SMIM13: variants seen among roughly 807,000 people sequenced by gnomAD.
SMIM13 encodes small integral membrane protein 13, also known as UPF0766 protein C6orf228.
A neutral mutation model predicts 5.9 loss-of-function variants in SMIM13; 3 were observed. The ratio of observed to expected loss-of-function variants is 0.51; its 90% CI spans 0.23 to 1.31. The LOEUF (loss-of-function observed/expected upper bound fraction) is 1.31, where lower values mean the gene tolerates loss of function less well. Among genes scored for constraint, SMIM13 ranks in the 40% most tolerant of loss-of-function variants. The pLI, the probability that SMIM13 is intolerant of heterozygous loss-of-function variation, is 0.18. For synonymous variants in SMIM13, 55 were observed against 46.0 expected (o/e 1.19, Z -0.79); for missense variants, 85 against 109.9 (o/e 0.77, Z 1.01).
At chr6:11,107,590 G>A (rs1416018006) in intron 1 of SMIM13, among the ~76,000 whole-genome samples, 1 of 152,198 alleles carries the variant, frequency 6.6e-6, no homozygotes, top group African/African-American at 2.4e-5. Flanking sequence ...AATAGAAATT[G>A]GGAGGATGGG....
chr6:11,109,340 A>G (rs1182427354), intron 1 of SMIM13, among the ~76,000 whole-genome samples: 3 of 152,176 alleles, frequency 2.0e-5, no homozygotes, highest in Non-Finnish European at 2.9e-5. Flanking sequence ...CAGTGGGTCC[A>G]CTGGGACCAC....
intron 1 of SMIM13, among the ~76,000 whole-genome samples, chr6:11,096,853 A>C (rs1264014997): frequency 6.6e-6 from 1 of 151,874 alleles, no homozygotes; most frequent in Non-Finnish European, 1.5e-5. Context: ...GCATGCGCCT[A>C]GCTGATTTTC....
At chr6:11,114,043 G>A (rs961331650) in intron 1 of SMIM13, among the ~76,000 whole-genome samples, 9 of 150,638 alleles carry the variant, frequency 6.0e-5, no homozygotes, top group Admixed American at 2.0e-4. Context: ...GCAATGGCGC[G>A]GTCTTGGCTC....
At chr6:11,105,468 C>T in intron 1 of SMIM13, 1 of 604,140 alleles carries the variant, frequency 1.7e-6, no homozygotes. Context: ...GTTGGTGGGG[C>T]ATTACTTATC....
chr6:11,105,237 A>G (rs760973196), intron 1 of SMIM13: 1 of 1,614,044 alleles, frequency 6.2e-7, no homozygotes, highest in Non-Finnish European at 8.5e-7. Context: ...AGCTTTTTCC[A>G]ATAACGGGAA....
chr6:11,138,064 TCAA>T lies in SMIM13; in HGVS notation c.*3466_*3468del, dbSNP rs1462358520. 1 of 152,218 alleles carries T rather than the reference TCAA, an allele frequency of 6.6e-6. No homozygotes were observed. The allele number at this position is 152,218 out of a possible 1,614,324, so 9.4% of individuals were successfully genotyped here. ...TAAGAGCAGCAATCTTTGAAATTAGTCAACAATGCAGTCTTTTTTAAAAGTCAG... is the reference window on the plus strand; with the variant it reads ...TAAGAGCAGCAATCTTTGAAATTAGTCAATGCAGTCTTTTTTAAAAGTCAG... On this transcript the variant is annotated 3_prime_UTR_variant, in exon 2 of 2. Coordinates refer to ENST00000416247, the MANE Select transcript of SMIM13 (RefSeq NM_001135575.2).
At chr6:11,129,077 G>GC (rs555765707) in intron 1 of SMIM13, among the ~76,000 whole-genome samples, 24 of 122,246 alleles carry the variant, frequency 2.0e-4, no homozygotes, top group Admixed American at 5.2e-4. Context: ...GCTACCGGGA[G>GC]CGGGGGGGGG....
chr6:11,114,042 C>T (rs928926989), intron 1 of SMIM13, among the ~76,000 whole-genome samples: 5 of 150,536 alleles, frequency 3.3e-5, no homozygotes, highest in African/African-American at 7.4e-5. Flanking sequence ...TGCAATGGCG[C>T]GGTCTTGGCT....
intron 1 of SMIM13, among the ~76,000 whole-genome samples, chr6:11,115,779 G>A (rs1758230131): frequency 6.6e-6 from 1 of 150,710 alleles, no homozygotes; most frequent in African/African-American, 2.4e-5. Context: ...CTGCCTCCTG[G>A]GTTCAAGCAA....
chr6:11,131,853 AGGATT>A (rs1438040665), intron 1 of SMIM13, among the ~76,000 whole-genome samples: 1 of 152,164 alleles, frequency 6.6e-6, no homozygotes, highest in African/African-American at 2.4e-5. Flanking sequence ...TTCATGACGT[AGGATT>A]GGTCAGTGGT....
At chr6:11,121,456 C>T (rs1758308784) in intron 1 of SMIM13, among the ~76,000 whole-genome samples, 1 of 152,156 alleles carries the variant, frequency 6.6e-6, no homozygotes, top group South Asian at 2.1e-4. Context: ...GGTTTTACTT[C>T]CTTCATTCCC....
intron 1 of SMIM13, among the ~76,000 whole-genome samples, chr6:11,097,777 T>C (rs1368751577): frequency 1.3e-5 from 2 of 152,140 alleles, no homozygotes; most frequent in Non-Finnish European, 2.9e-5. Context: ...ACAAGCACCA[T>C]GTCTTTAGCA....
chr6:11,121,894 T>C (rs1435694117), intron 1 of SMIM13, among the ~76,000 whole-genome samples: 2 of 146,258 alleles, frequency 1.4e-5, no homozygotes, highest in African/African-American at 5.3e-5. Flanking sequence ...CCAGTTTCTT[T>C]GTTGCTCCCC....
chr6:11,127,083 T>G (rs1281709589), intron 1 of SMIM13, among the ~76,000 whole-genome samples: 1 of 152,194 alleles, frequency 6.6e-6, no homozygotes, highest in Admixed American at 6.5e-5. Flanking sequence ...TGAGTCAGAC[T>G]CGAAGCCAGC....
chr6:11,132,826 A>G (rs181932555), intron 1 of SMIM13, among the ~76,000 whole-genome samples: 6 of 152,278 alleles, frequency 3.9e-5, no homozygotes, highest in African/African-American at 1.2e-4. Context: ...GGGTTGATGA[A>G]AATGTTTTGG....
intron 1 of SMIM13, among the ~76,000 whole-genome samples, chr6:11,119,270 C>G (rs1758281408): frequency 1.3e-5 from 2 of 152,182 alleles, no homozygotes; most frequent in Admixed American, 1.3e-4. Flanking sequence ...CTTTCTCTCT[C>G]TCACTCACTC....
At chr6:11,122,728 A>G (rs549973629) in intron 1 of SMIM13, among the ~76,000 whole-genome samples, 154 of 152,310 alleles carry the variant, frequency 1.0e-3, no homozygotes, top group Admixed American at 2.9e-3. Context: ...GCAGATTCCA[A>G]GAAGATTAAA....
rs1366597469 is a variant in SMIM13, at chr6:11,093,834, G to A, written c.-480G>A. ...GCCCCAGCGGTAGGGGGCCTGGGGC[G>A]GAGAAGCCGCTACAGCCGCGGCCGG... On this transcript the variant is annotated 5_prime_UTR_variant, in exon 1 of 2. Coordinates refer to ENST00000416247, the MANE Select transcript of SMIM13 (RefSeq NM_001135575.2). Among the ~76,000 whole-genome samples, 1 of 152,234 alleles carries A rather than the reference G, an allele frequency of 6.6e-6. No homozygotes were observed. The highest frequency in any genetic ancestry group is 2.4e-5 in the African/African-American group (1 of 41,464).
chr6:11,113,629 A>G (rs2113653408), intron 1 of SMIM13, among the ~76,000 whole-genome samples: 1 of 151,680 alleles, frequency 6.6e-6, no homozygotes, highest in South Asian at 2.1e-4. Context: ...AGGCTGGAGT[A>G]CAGTGGCACA....
Sources: gnomAD v4.1 joint callset for allele counts (sites outside exome capture counted in the v4.1 genomes callset) on GRCh38, gnomAD v4.1.1 for gene constraint, MANE v1.5 for transcripts, NCBI Gene and HGNC (gene_info 2026-07-23, HGNC 2026-07-21) for gene names.